Variants in MRTFA observed in about 807,000 individuals in gnomAD.
The protein encoded by MRTFA is myocardin related transcription factor A.
In MRTFA, 20 loss-of-function variants were observed where a neutral mutation model predicts 83.5. The ratio of observed to expected loss-of-function variants is 0.24; its 90% confidence interval spans 0.17 to 0.35. The LOEUF (loss-of-function observed/expected upper bound fraction) is 0.35. Among genes scored for constraint, MRTFA ranks in the 10% least tolerant of loss-of-function variants. MRTFA has a pLI of 1.00. For missense variants in MRTFA, 1,200 were observed against 1,224.7 expected, an observed-to-expected ratio of 0.98 and a Z score of 0.30; for synonymous variants, 659 against 541.2, an observed-to-expected ratio of 1.22 and a Z score of -3.02.
chr22:40,431,554 A>T, intron 5 of MRTFA, 74 bp from the exon 6 acceptor site: 3 of 1,412,088 alleles, frequency 2.1e-6, no homozygotes, highest in Non-Finnish European at 3.0e-6. Context: ...TCACAACAGC[A>T]GCCTTGGCCA....
At chr22:40,508,212 A>G (rs909914145) in intron 3 of MRTFA, among the ~76,000 whole-genome samples, 25 of 152,050 alleles carry the variant, frequency 1.6e-4, no homozygotes, top group African/African-American at 5.6e-4. Flanking sequence ...TCTATTCCCA[A>G]TAAGATTTAT....
chr22:40,533,519 A>G (rs1181433092), intron 3 of MRTFA: 24 of 968,768 alleles, frequency 2.5e-5, no homozygotes, highest in African/African-American at 6.7e-5. Flanking sequence ...TTTTTTTTAA[A>G]GAAGCCTGTG....
At chr22:40,524,398 A>G (rs1005569270) in intron 3 of MRTFA, among the ~76,000 whole-genome samples, 1 of 152,264 alleles carries the variant, frequency 6.6e-6, no homozygotes, top group Non-Finnish European at 1.5e-5. Flanking sequence ...AAAAGCAAAC[A>G]AAAAATTTAA....
Position 40,416,481 on chromosome 22 carries a change from G to T in MRTFA, c.2578+505C>A, listed in dbSNP as rs192954408. On this transcript the variant is annotated intron_variant, in intron 14 of 14. Coordinates refer to ENST00000355630, the MANE Select transcript of MRTFA (RefSeq NM_020831.6). This position sits in a 1 kb window ranked among gnomAD's most constrained non-coding sequence, Gnocchi z 4.2. The stretch of plus-strand genomic sequence containing the variant: ...CCTGCCCTGGTGCCCAGGAGGCCAC[G>T]CATGATCTGGCCATGAAGGCCTTCT... Among the ~76,000 whole-genome samples, 1 of 152,186 alleles carries T rather than the reference G, an allele frequency of 6.6e-6. No individual in the cohort carries two copies. The highest frequency in any genetic ancestry group is 1.9e-4 in the East Asian group (1 of 5,186).
At chr22:40,619,219 T>C (rs2056490109) in intron 1 of MRTFA, among the ~76,000 whole-genome samples, 1 of 150,660 alleles carries the variant, frequency 6.6e-6, no homozygotes, top group Non-Finnish European at 1.5e-5. Flanking sequence ...TTCAATCCAC[T>C]GAAAGGCTTT....
chr22:40,470,544 C>G (rs2053891887), intron 3 of MRTFA, among the ~76,000 whole-genome samples: 2 of 151,456 alleles, frequency 1.3e-5, no homozygotes, highest in East Asian at 3.9e-4. Context: ...CCTTAAGAAA[C>G]TAGATGAATA....
intron 3 of MRTFA, among the ~76,000 whole-genome samples, chr22:40,479,457 G>A (rs73167068): frequency 0.013 from 2,000 of 152,096 alleles, 28 homozygotes; most frequent in Non-Finnish European, 0.019. Flanking sequence ...TCTTTCTCAC[G>A]AGAGAGAGCT....
chr22:40,437,988 G>A (rs1367734618), intron 4 of MRTFA, among the ~76,000 whole-genome samples: 6 of 152,080 alleles, frequency 3.9e-5, no homozygotes, highest in African/African-American at 1.2e-4. Flanking sequence ...CGGACACAAG[G>A]TGACTAGTGA....
intron 3 of MRTFA, among the ~76,000 whole-genome samples, chr22:40,464,486 G>T (rs1439056292): frequency 1.3e-5 from 2 of 150,874 alleles, no homozygotes; most frequent in Non-Finnish European, 2.9e-5. Context: ...TCCAGCCTGG[G>T]CAACAGAGCA....
At chr22:40,634,216 T>C (rs1360795395) in intron 1 of MRTFA, among the ~76,000 whole-genome samples, 5 of 151,936 alleles carry the variant, frequency 3.3e-5, no homozygotes, top group Admixed American at 3.3e-4. Flanking sequence ...GCCTCCTGAG[T>C]AGCTGGGACT....
In MRTFA at chr22:40,411,417, C is replaced by T. The variant is rs749878516; in HGVS notation, c.3069G>A (p.Leu1023=). ...ACAAGCAGGAATCCCAGTGCAGCTG[C>T]AAATCATGGCCATCGAGGAAGTCTG... is the stretch of plus-strand genomic sequence containing the variant. The change falls in exon 15 of 15, where the codon TTG becomes TTA. Residue 1023 remains leucine (L), a synonymous_variant. Coordinates refer to ENST00000355630, the MANE Select transcript of MRTFA (RefSeq NM_020831.6). The T allele has an allele frequency of 6.4e-7, 1 of 1,570,694 alleles. No homozygotes were observed. The highest frequency in any genetic ancestry group is 8.7e-7 in the Non-Finnish European group (1 of 1,150,566).
At chr22:40,519,536 A>G (rs2054825087) in intron 3 of MRTFA, 2 of 1,350,764 alleles carry the variant, frequency 1.5e-6, no homozygotes, top group African/African-American at 1.5e-5. Context: ...CCTTGTGTCC[A>G]AACTGGCTCA....
intron 3 of MRTFA, among the ~76,000 whole-genome samples, chr22:40,507,005 G>A (rs1453359583): frequency 6.6e-6 from 1 of 152,120 alleles, no homozygotes; most frequent in East Asian, 1.9e-4. Flanking sequence ...ATACATTACG[G>A]TCTCCAATGG....
chr22:40,543,223 A>G (rs1371938290), intron 3 of MRTFA, among the ~76,000 whole-genome samples: 1 of 152,148 alleles, frequency 6.6e-6, no homozygotes, highest in African/African-American at 2.4e-5. Context: ...CCTTTCCCCA[A>G]GAAATACTGT....
At chr22:40,624,600 GGTAA>G (rs1334662395) in intron 1 of MRTFA, among the ~76,000 whole-genome samples, 2 of 152,032 alleles carry the variant, frequency 1.3e-5, no homozygotes, top group African/African-American at 4.8e-5. Flanking sequence ...GGATCATGAA[GGTAA>G]AGTTTTGAGA....
At chr22:40,430,510 A>G (rs1433240750) in intron 6 of MRTFA, among the ~76,000 whole-genome samples, 1 of 152,010 alleles carries the variant, frequency 6.6e-6, no homozygotes, top group Non-Finnish European at 1.5e-5. Context: ...TAGACAAACA[A>G]TAAGTAAATA....
chr22:40,498,867 CCTCT>C (rs951568065), intron 3 of MRTFA, among the ~76,000 whole-genome samples: 2 of 152,072 alleles, frequency 1.3e-5, no homozygotes, highest in Non-Finnish European at 2.9e-5. Context: ...AGTTACTTAA[CCTCT>C]CTAAGCTTTC....
At chr22:40,475,515 C>G (rs2053979380) in intron 3 of MRTFA, among the ~76,000 whole-genome samples, 1 of 151,644 alleles carries the variant, frequency 6.6e-6, no homozygotes, top group Non-Finnish European at 1.5e-5. Flanking sequence ...CCAGCCTGGG[C>G]AACAGTGCCA....
At position 40,609,779 on chromosome 22, in the gene MRTFA, C is replaced by T. The variant is rs113609209; in HGVS notation, c.-83-15044G>A. Among the ~76,000 whole-genome samples, 6 of 151,236 alleles carry T rather than the reference C, an allele frequency of 4.0e-5. No individual in the cohort carries two copies. The South Asian group carries it at 1.3e-3, about 32-fold the overall frequency. The stretch of plus-strand genomic sequence containing the variant: ...CCGGGCAGCGGAGGTTGTGGTGAGT[C>T]GAGACTGCGCCACTGCACTCCAGCC... On this transcript the variant is annotated intron_variant, in intron 1 of 14. Coordinates refer to ENST00000355630, the MANE Select transcript of MRTFA (RefSeq NM_020831.6).
Sources: gnomAD v4.1 joint callset for allele counts (sites outside exome capture counted in the v4.1 genomes callset) on GRCh38, gnomAD v4.1.1 for gene constraint, Gnocchi (gnomAD v3.1) non-coding constraint, MANE v1.5 for transcripts, NCBI Gene and HGNC (gene_info 2026-07-23, HGNC 2026-07-21) for gene names.